HIPK2: variants seen among roughly 807,000 people sequenced by gnomAD.
The protein encoded by HIPK2 is homeodomain interacting protein kinase 2.
A neutral mutation model predicts 113.7 loss-of-function variants in HIPK2; 27 were observed. The observed-to-expected ratio is 0.24, with a 90% CI of 0.17 to 0.33. The LOEUF (loss-of-function observed/expected upper bound fraction) is 0.33, where lower values mean the gene tolerates loss of function less well. Among genes scored for constraint, HIPK2 ranks in the 10% least tolerant of loss-of-function variants. HIPK2 has a pLI of 1.00. For synonymous variants in HIPK2, 631 were observed against 642.2 expected (o/e 0.98, Z 0.26); for missense variants, 1,257 against 1,588.0 (o/e 0.79, Z 3.54).
rs1381462082 is a variant in HIPK2 at position 139,572,391 on chromosome 7, T to G, written c.*536A>C. 1 of 152,334 alleles carries G rather than the reference T, an allele frequency of 6.6e-6. No homozygotes were observed. The highest frequency in any genetic ancestry group is 1.5e-5 in the Non-Finnish European group (1 of 68,122). The allele number at this position is 152,334 out of a possible 1,614,324, so 9.4% of individuals were successfully genotyped here. A position where few individuals can be genotyped will look rare whatever the true frequency, so the allele number is the denominator to read the frequency against. On this transcript the variant is annotated 3_prime_UTR_variant, in exon 15 of 15. Transcript: ENST00000406875. Reference sequence around the variant, plus strand: ...TTCGAGTTCTGGAAAAATCCCTAAATCTTATGTTCAATTAATTAAAAATCT... The same window carrying G: ...TTCGAGTTCTGGAAAAATCCCTAAAGCTTATGTTCAATTAATTAAAAATCT...
intron 1 of HIPK2, among the ~76,000 whole-genome samples, chr7:139,734,845 G>C (rs1795893089): frequency 6.6e-6 from 1 of 152,178 alleles, no homozygotes; most frequent in South Asian, 2.1e-4. Flanking sequence ...CCTCATAGGA[G>C]TGTTATGCTG....
chr7:139,700,126 G>C (rs1296037885), intron 2 of HIPK2, among the ~76,000 whole-genome samples: 9 of 152,100 alleles, frequency 5.9e-5, no homozygotes, highest in South Asian at 2.1e-4. Flanking sequence ...TGTGCGAGGT[G>C]GGGGGAGGGG....
intron 1 of HIPK2, among the ~76,000 whole-genome samples, chr7:139,751,586 G>GGACA (rs1329397588): frequency 2.1e-5 from 3 of 141,234 alleles, no homozygotes; most frequent in Non-Finnish European, 4.5e-5. Flanking sequence ...ATGGTTGGAT[G>GGACA]GATAGATGGA....
chr7:139,734,042 T>G (rs1300807962), intron 1 of HIPK2, among the ~76,000 whole-genome samples: 2 of 152,226 alleles, frequency 1.3e-5, no homozygotes, highest in East Asian at 3.8e-4. Context: ...GCTGGAATAT[T>G]CGTTAATGCT....
rs560808706 is a variant in HIPK2, at chr7:139,627,060, G to A, written c.1435-275C>T. On this transcript the variant is annotated intron_variant, in intron 5 of 14. Transcript: ENST00000406875. Reference sequence around the variant, plus strand: ...TGCAAATATATCTGAATGACAGGATGTAAACTGCTCCTGCTTTCATCAGTT... The same window carrying A: ...TGCAAATATATCTGAATGACAGGATATAAACTGCTCCTGCTTTCATCAGTT... Among the ~76,000 whole-genome samples the A allele has an allele frequency of 9.2e-5, 14 of 152,302 alleles. No individual in the cohort carries two copies. The South Asian group carries it at 2.9e-3, about 32-fold the overall frequency.
intron 11 of HIPK2, among the ~76,000 whole-genome samples, chr7:139,599,195 G>A (rs572602944): frequency 7.4e-4 from 112 of 152,272 alleles, no homozygotes; most frequent in Non-Finnish European, 1.4e-3. Flanking sequence ...GAGCAATCCT[G>A]TAGTCACACG....
intron 6 of HIPK2, among the ~76,000 whole-genome samples, chr7:139,623,836 A>C (rs1800328541): frequency 1.3e-5 from 2 of 152,108 alleles, no homozygotes; most frequent in Non-Finnish European, 2.9e-5. Context: ...CACAATTCTC[A>C]CATCTCCAGG....
chr7:139,576,892 G>A (rs1475353749), intron 13 of HIPK2, among the ~76,000 whole-genome samples: 1 of 152,200 alleles, frequency 6.6e-6, no homozygotes. Flanking sequence ...GGGGAGTTCT[G>A]CAGACAGGAC....
At chr7:139,762,667 C>T (rs986699196) in intron 1 of HIPK2, among the ~76,000 whole-genome samples, 5 of 152,198 alleles carry the variant, frequency 3.3e-5, no homozygotes, top group Admixed American at 1.3e-4. Context: ...GCAATTTCCT[C>T]GATTGCAGTT....
chr7:139,657,260 C>T (rs1801703358), intron 2 of HIPK2, among the ~76,000 whole-genome samples: 1 of 152,214 alleles, frequency 6.6e-6, no homozygotes, highest in African/African-American at 2.4e-5. Context: ...GCACTGTGTC[C>T]ACCTTGCACG....
In HIPK2 at chr7:139,574,501, G is replaced by A. The variant is rs62491679; in HGVS notation, c.3126+627C>T. Among the ~76,000 whole-genome samples, 1,012 of 152,322 alleles carry A rather than the reference G, an allele frequency of 6.6e-3. 6 individuals carry two copies. The highest frequency in any genetic ancestry group is 0.011 in the Non-Finnish European group (773 of 68,026). ...AGACACGGGCTCCACTGATGACCTG[G>A]GGCAGCACTTCAGATGAGGGGCTCT... On this transcript the variant is annotated intron_variant, in intron 14 of 14. Transcript: ENST00000406875.
At chr7:139,758,172 A>C (rs538997819) in intron 1 of HIPK2, among the ~76,000 whole-genome samples, 1 of 152,246 alleles carries the variant, frequency 6.6e-6, no homozygotes, top group South Asian at 2.1e-4. Flanking sequence ...ATGGAATAAC[A>C]AACATGGAGA....
intron 1 of HIPK2, among the ~76,000 whole-genome samples, chr7:139,768,975 C>T (rs868261479): frequency 2.0e-5 from 3 of 152,168 alleles, no homozygotes; most frequent in Admixed American, 6.5e-5. Context: ...TGAATAATAA[C>T]GCATGAAGAC....
chr7:139,618,229 C>G (rs567791427), intron 7 of HIPK2, among the ~76,000 whole-genome samples: 1 of 152,088 alleles, frequency 6.6e-6, no homozygotes, highest in African/African-American at 2.4e-5. Flanking sequence ...TAAAGCCTGG[C>G]ACATAATAAG....
intron 2 of HIPK2, among the ~76,000 whole-genome samples, chr7:139,705,619 C>T (rs951537920): frequency 1.3e-4 from 19 of 151,996 alleles, no homozygotes; most frequent in African/African-American, 4.6e-4. Flanking sequence ...CCTCGTGATC[C>T]GCCCGCCTCG....
intron 1 of HIPK2, among the ~76,000 whole-genome samples, chr7:139,755,745 C>T (rs1796351753): frequency 2.0e-5 from 3 of 152,352 alleles, no homozygotes; most frequent in East Asian, 3.9e-4. Context: ...CCAGAGAAAT[C>T]GCAGGCCCCA....
At chr7:139,603,908 A>G in intron 10 of HIPK2, 173 bp downstream of exon 10, 1 of 262,742 alleles carries the variant, frequency 3.8e-6, no homozygotes, top group Non-Finnish European at 5.9e-6. Flanking sequence ...TTATTTAAAA[A>G]TTGCTTCTTG....
chr7:139,671,475 T>C (rs974079841), intron 2 of HIPK2, among the ~76,000 whole-genome samples: 9 of 152,150 alleles, frequency 5.9e-5, no homozygotes, highest in Admixed American at 6.5e-5. Flanking sequence ...GATCAGAAAA[T>C]TGAAGATGAT....
intron 1 of HIPK2, among the ~76,000 whole-genome samples, chr7:139,768,311 G>C (rs1258714405): frequency 6.6e-6 from 1 of 152,180 alleles, no homozygotes; most frequent in East Asian, 1.9e-4. Context: ...AGGCAGGTGG[G>C]GAGTAGCCCC....
Sources: gnomAD v4.1 joint callset for allele counts (sites outside exome capture counted in the v4.1 genomes callset) on GRCh38, gnomAD v4.1.1 for gene constraint, MANE v1.5 for transcripts, NCBI Gene and HGNC (gene_info 2026-07-23, HGNC 2026-07-21) for gene names.